The following PRKCB variants were observed in gnomAD, a reference collection of about 807,000 sequenced individuals.
PRKCB encodes protein kinase C beta type.
A neutral mutation model predicts 81.5 loss-of-function variants in PRKCB; 13 were observed. The ratio of observed to expected loss-of-function variants is 0.16; its 90% CI spans 0.10 to 0.25. The LOEUF (loss-of-function observed/expected upper bound fraction) is 0.25, where lower values mean the gene tolerates loss of function less well. Ranked by LOEUF, PRKCB falls within the 10% of genes least tolerant of loss-of-function variation. The probability of loss-of-function intolerance (pLI) is 1.00; values close to 1 mark genes in which losing one functional copy is unlikely to be tolerated. For missense variants in PRKCB, 509 were observed against 875.7 expected, an observed-to-expected ratio of 0.58 and a Z score of 5.29; for synonymous variants, 335 against 321.4, an observed-to-expected ratio of 1.04 and a Z score of -0.45.
At chr16:24,079,744 C>A (rs7184825) in intron 5 of PRKCB, among the ~76,000 whole-genome samples, 2 of 152,080 alleles carry the variant, frequency 1.3e-5, no homozygotes, top group Non-Finnish European at 2.9e-5. Context: ...AATGTAATTG[C>A]GTTGATTGGT....
At chr16:24,130,556 C>A (rs747520016) in intron 9 of PRKCB, among the ~76,000 whole-genome samples, 1 of 152,046 alleles carries the variant, frequency 6.6e-6, no homozygotes, top group African/African-American at 2.4e-5. Flanking sequence ...AACAAATAGA[C>A]CCCCAAATAT....
At position 24,211,654 on chromosome 16, in the gene PRKCB, G is replaced by C. The variant is rs533110913; in HGVS notation, c.1864-3004G>C. On this transcript the variant is annotated intron_variant, in intron 16 of 16. Coordinates refer to ENST00000643927, the MANE Select transcript of PRKCB (RefSeq NM_002738.7). ...GCTCACTGTAACCTCTGCCTCCTGG[G>C]TTTAAGTGATTCTCCTGCCTCAGCC... Among the ~76,000 whole-genome samples, 3 of 151,732 alleles carry C rather than the reference G, an allele frequency of 2.0e-5. No individual in the cohort carries two copies. The South Asian group carries it at 6.3e-4, about 32-fold the overall frequency.
At position 24,002,793 on chromosome 16, in the gene PRKCB, T is replaced by C. The variant is rs142823677; in HGVS notation, c.288+14203T>C. On this transcript the variant is annotated intron_variant, in intron 3 of 16. Transcript: ENST00000643927. ...GGATGGGAGACATTGGTGGCCATTG[T>C]GCAGTCTACCACACTGACCCTTATC... is the stretch of plus-strand genomic sequence containing the variant. Among the ~76,000 whole-genome samples, 84 of 152,270 alleles carry C rather than the reference T, an allele frequency of 5.5e-4. No homozygotes were observed. The East Asian group carries it at 0.012, about 21-fold the overall frequency.
At chr16:23,843,772 T>C (rs1962309467) in intron 2 of PRKCB, among the ~76,000 whole-genome samples, 1 of 136,614 alleles carries the variant, frequency 7.3e-6, no homozygotes, top group African/African-American at 2.9e-5. Flanking sequence ...ATGCAGCATG[T>C]TTATAGTGTA....
intron 3 of PRKCB, among the ~76,000 whole-genome samples, chr16:23,996,980 A>C (rs1406443154): frequency 6.6e-6 from 1 of 152,184 alleles, no homozygotes. Flanking sequence ...TGGGAGTGGT[A>C]CCACTCATTA....
intron 5 of PRKCB, among the ~76,000 whole-genome samples, chr16:24,065,389 C>T (rs1195067361): frequency 2.6e-5 from 4 of 151,352 alleles, no homozygotes; most frequent in Non-Finnish European, 4.4e-5. Flanking sequence ...TATATTGATT[C>T]TAGAGATTGC....
At chr16:23,918,565 A>G (rs1335016564) in intron 2 of PRKCB, among the ~76,000 whole-genome samples, 3 of 151,598 alleles carry the variant, frequency 2.0e-5, no homozygotes, top group Non-Finnish European at 4.4e-5. Flanking sequence ...CCTAACTAAT[A>G]TTTGTATTTT....
At chr16:23,930,440 G>A (rs1233701800) in intron 2 of PRKCB, among the ~76,000 whole-genome samples, 3 of 152,014 alleles carry the variant, frequency 2.0e-5, no homozygotes, top group Non-Finnish European at 4.4e-5. Context: ...ATGGGGGTAT[G>A]CACCTGTAGT....
In PRKCB at chr16:24,218,050, C is replaced by A; in HGVS notation, c.*3234C>A. On this transcript the variant is annotated 3_prime_UTR_variant, in exon 17 of 17. Transcript: ENST00000643927. ...TCATTCCACAAATAATTACAAACAACCTACTGTGTGCCAGGCACTATTCTT... is the reference window on the plus strand; with the variant it reads ...TCATTCCACAAATAATTACAAACAAACTACTGTGTGCCAGGCACTATTCTT... 1.0e-6 allele frequency: 1 copy of A among 985,224 alleles called. No individual in the cohort carries two copies. Among genetic ancestry groups the A allele is most frequent in the South Asian group, 4.7e-5 (1 of 21,280 alleles). 61.0% of individuals were successfully genotyped at this position (985,224 alleles called of 1,614,324 possible). A position where few individuals can be genotyped will look rare whatever the true frequency, so the allele number is the denominator to read the frequency against.
At chr16:23,925,643 G>T (rs1210067987) in intron 2 of PRKCB, among the ~76,000 whole-genome samples, 5 of 152,034 alleles carry the variant, frequency 3.3e-5, no homozygotes, top group Admixed American at 2.0e-4. Context: ...GTTTTTACTT[G>T]TATAAATTGA....
intron 3 of PRKCB, among the ~76,000 whole-genome samples, chr16:24,000,675 G>T (rs1965021595): frequency 6.6e-6 from 1 of 152,222 alleles, no homozygotes; most frequent in Admixed American, 6.5e-5. Flanking sequence ...CTTGGTACAT[G>T]TAGCTAAGGC....
At chr16:23,978,797 G>A (rs1964657547) in intron 2 of PRKCB, among the ~76,000 whole-genome samples, 1 of 152,196 alleles carries the variant, frequency 6.6e-6, no homozygotes, top group African/African-American at 2.4e-5. Flanking sequence ...ACTATCCAAT[G>A]TTGTCTCCAG....
chr16:23,990,654 C>T (rs931470247), intron 3 of PRKCB, among the ~76,000 whole-genome samples: 25 of 151,746 alleles, frequency 1.6e-4, no homozygotes, highest in Admixed American at 1.4e-3. Flanking sequence ...CTCTAGCAAC[C>T]CCCCCACCTC....
intron 2 of PRKCB, among the ~76,000 whole-genome samples, chr16:23,881,147 G>A (rs186727791): frequency 3.2e-4 from 48 of 152,146 alleles, no homozygotes; most frequent in African/African-American, 1.1e-3. Context: ...ATGCTCCTGG[G>A]GGCCCAGGCC....
chr16:23,957,864 T>G (rs1223299909), intron 2 of PRKCB, among the ~76,000 whole-genome samples: 1 of 152,166 alleles, frequency 6.6e-6, no homozygotes, highest in Non-Finnish European at 1.5e-5. Flanking sequence ...CCCTCTGACT[T>G]CCTAGCTCAA....
intron 7 of PRKCB, among the ~76,000 whole-genome samples, chr16:24,100,850 G>A (rs142970208): frequency 6.6e-6 from 1 of 152,316 alleles, no homozygotes; most frequent in African/African-American, 2.4e-5. Flanking sequence ...GGACAGTTTA[G>A]TGGTAAGTGG....
At chr16:23,964,524 A>T (rs998242071) in intron 2 of PRKCB, among the ~76,000 whole-genome samples, 2 of 152,220 alleles carry the variant, frequency 1.3e-5, no homozygotes, top group African/African-American at 4.8e-5. Context: ...GGTTAAATAC[A>T]TGTTTGGAAC....
intron 2 of PRKCB, among the ~76,000 whole-genome samples, chr16:23,888,288 C>T (rs16972944): frequency 0.064 from 9,711 of 152,194 alleles, 1,010 homozygotes; most frequent in African/African-American, 0.22. Flanking sequence ...GACCAAACAG[C>T]GGAAGGCACA....
chr16:23,853,849 T>C (rs7193632), intron 2 of PRKCB, among the ~76,000 whole-genome samples: 86,249 of 148,724 alleles, frequency 0.58, 25,241 homozygotes, highest in South Asian at 0.61. Flanking sequence ...TCCATTCTCA[T>C]GCTGCTAATA....
Sources: allele counts gnomAD v4.1 joint callset (sites outside exome capture counted in the v4.1 genomes callset), GRCh38; gene constraint gnomAD v4.1.1; transcripts MANE v1.5; gene names NCBI Gene and HGNC (gene_info 2026-07-23, HGNC 2026-07-21).